FBXL13: variants seen among roughly 807,000 people sequenced by gnomAD.
FBXL13 encodes F-box and leucine-rich repeat protein 13.
A neutral mutation model predicts 83.6 loss-of-function variants in FBXL13; 67 were observed. The observed-to-expected ratio is 0.80, with a 90% CI of 0.66 to 0.98. The LOEUF (loss-of-function observed/expected upper bound fraction) is 0.98. FBXL13 is among the 50% of genes least tolerant of loss of function. FBXL13 has a pLI of 0.00. For synonymous variants in FBXL13, 272 were observed against 299.5 expected, an observed-to-expected ratio of 0.91 and a Z score of 0.95; for missense variants, 822 against 866.5, an observed-to-expected ratio of 0.95 and a Z score of 0.64.
intron 6 of FBXL13, 112 bp downstream of exon 7, chr7:103,024,951 C>T: frequency 3.3e-6 from 2 of 597,266 alleles, no homozygotes; most frequent in Non-Finnish European, 4.8e-6. Context: ...ACCTCTGCCT[C>T]CTGGGTTCAA....
chr7:103,024,962 G>C (rs898882704), intron 6 of FBXL13, 101 bp downstream of exon 7: 17 of 783,336 alleles, frequency 2.2e-5, no homozygotes, highest in Non-Finnish European at 3.0e-5. Context: ...CTGGGTTCAA[G>C]CAATTCTCCT....
intron 6 of FBXL13, among the ~76,000 whole-genome samples, chr7:102,995,478 CAAAAAAAA>C (rs1158263069): frequency 0.052 from 1,480 of 28,548 alleles, 12 homozygotes; most frequent in Admixed American, 0.072. Context: ...GACTCCATCT[CAAAAAAAA>C]AAAAAAAAAA....
intron 11 of FBXL13, among the ~76,000 whole-genome samples, chr7:102,890,480 T>C (rs1475050046): frequency 6.6e-6 from 1 of 152,230 alleles, no homozygotes; most frequent in Non-Finnish European, 1.5e-5. Flanking sequence ...AGACAGCTAC[T>C]GCTGCTGATG....
intron 18 of FBXL13, among the ~76,000 whole-genome samples, chr7:102,829,758 G>T (rs970110747): frequency 1.3e-5 from 2 of 152,148 alleles, no homozygotes; most frequent in Non-Finnish European, 2.9e-5. Flanking sequence ...GATAGATAAG[G>T]TGACCATTCA....
chr7:102,938,026 T>C (rs1820671593), intron 8 of FBXL13, among the ~76,000 whole-genome samples: 1 of 152,226 alleles, frequency 6.6e-6, no homozygotes, highest in Admixed American at 6.5e-5. Context: ...CTTAAATATC[T>C]AATGGCAAGA....
At chr7:103,030,788 A>G (rs1469528995) in intron 2 of FBXL13, among the ~76,000 whole-genome samples, 2 of 152,196 alleles carry the variant, frequency 1.3e-5, no homozygotes, top group Admixed American at 1.3e-4. Context: ...ACAGCATAAA[A>G]GCATTTTCTA....
chr7:102,969,462 G>A (rs1416375056), intron 6 of FBXL13, among the ~76,000 whole-genome samples: 3 of 151,626 alleles, frequency 2.0e-5, no homozygotes, highest in Non-Finnish European at 4.4e-5. Context: ...TAAGCAATGC[G>A]TGACTGTAAT....
chr7:102,814,179 G>C (rs1481531906), intron 19 of FBXL13, among the ~76,000 whole-genome samples: 1 of 152,154 alleles, frequency 6.6e-6, no homozygotes, highest in Non-Finnish European at 1.5e-5. Flanking sequence ...TTTGAGGACA[G>C]AAGGAAGAAT....
chr7:103,047,680 A>G (rs934149412), intron 2 of FBXL13, among the ~76,000 whole-genome samples: 1 of 152,314 alleles, frequency 6.6e-6, no homozygotes, highest in South Asian at 2.1e-4. Flanking sequence ...TTAGAATTTT[A>G]TAAGTCCTAT....
intron 6 of FBXL13, among the ~76,000 whole-genome samples, chr7:102,978,964 T>C (rs1394274537): frequency 1.3e-5 from 2 of 152,220 alleles, no homozygotes; most frequent in Admixed American, 1.3e-4. Flanking sequence ...GTCTTCGATT[T>C]CTCAGTGCTC....
intron 18 of FBXL13, among the ~76,000 whole-genome samples, chr7:102,826,724 CATATATATATATAT>C (rs58307950): frequency 0.28 from 17,721 of 62,862 alleles, 2,502 homozygotes; most frequent in South Asian, 0.46. Context: ...GACCCTGTCT[CATATATATATATAT>C]ATATATATAT....
At chr7:102,971,594 CAAAA>C (rs11447254) in intron 6 of FBXL13, among the ~76,000 whole-genome samples, 1 of 115,056 alleles carries the variant, frequency 8.7e-6, no homozygotes, top group Non-Finnish European at 1.7e-5. Flanking sequence ...AACTCCGTCT[CAAAA>C]AAAAAAAAAA....
intron 11 of FBXL13, among the ~76,000 whole-genome samples, chr7:102,888,996 A>C (rs1811166081): frequency 6.6e-6 from 1 of 152,242 alleles, no homozygotes; most frequent in Non-Finnish European, 1.5e-5. Flanking sequence ...AGAAAATAAA[A>C]TGAGGCAATG....
chr7:102,977,292 CGACAAAAACAAAT>C (rs1358900293), intron 6 of FBXL13, among the ~76,000 whole-genome samples: 1 of 152,152 alleles, frequency 6.6e-6, no homozygotes, highest in African/African-American at 2.4e-5. Flanking sequence ...GCTCGCACAA[CGACAAAAACAAAT>C]GTGCGTGGCA....
chr7:103,007,368 A>G (rs1439216267), intron 6 of FBXL13, among the ~76,000 whole-genome samples: 1 of 152,124 alleles, frequency 6.6e-6, no homozygotes, highest in Non-Finnish European at 1.5e-5. Flanking sequence ...CACTACTTAC[A>G]AAAGCAGAAA....
At position 102,924,645 on chromosome 7, in the gene FBXL13, T is replaced by TC. The variant is rs1314061895; in HGVS notation, c.878+1628_878+1629insG. Among the ~76,000 whole-genome samples the TC allele has an allele frequency of 7.2e-4, 106 of 148,246 alleles. 1 individual carries two copies. The highest frequency in any genetic ancestry group is 3.5e-3 in the Middle Eastern group (1 of 288). ...GAATTTTCTGTGTAAGCTTTTCTTT[T>TC]TTTTTTTTTTTTTTGAGATGGGGTC... On this transcript the variant is annotated intron_variant, in intron 10 of 19. Coordinates refer to ENST00000313221, the Ensembl canonical transcript of FBXL13.
At chr7:102,885,385 T>C (rs1810658458) in intron 11 of FBXL13, among the ~76,000 whole-genome samples, 1 of 152,202 alleles carries the variant, frequency 6.6e-6, no homozygotes, top group Admixed American at 6.5e-5. Context: ...GAGTATCTTT[T>C]CATGTACTTG....
intron 1 of FBXL13, among the ~76,000 whole-genome samples, chr7:103,070,122 A>G (rs1798802086): frequency 6.6e-6 from 1 of 152,064 alleles, no homozygotes; most frequent in African/African-American, 2.4e-5. Flanking sequence ...GTATGAAGGC[A>G]GGAAAATGTC....
At position 102,843,590 on chromosome 7, in the gene FBXL13, C is replaced by T. The variant is rs1304910150; in HGVS notation, c.1720-10616G>A. 3.9e-5 allele frequency among the ~76,000 whole-genome samples: 6 copies of T among 152,098 alleles called. No individual in the cohort carries two copies. In the South Asian group the frequency reaches 8.3e-4, roughly 21 times the overall value. ...AGGAGTTTGAGACCAGCCTGGCCAA[C>T]GTGGCGAAACCCCGTCTCTACGAAA... is the stretch of plus-strand genomic sequence containing the variant. On this transcript the variant is annotated intron_variant, in intron 17 of 19. Coordinates refer to ENST00000313221, the Ensembl canonical transcript of FBXL13.
Sources: allele counts gnomAD v4.1 joint callset (sites outside exome capture counted in the v4.1 genomes callset), GRCh38; gene constraint gnomAD v4.1.1; transcripts MANE v1.5; gene names NCBI Gene and HGNC (gene_info 2026-07-23, HGNC 2026-07-21).